The following FAM3B variants were observed in gnomAD, a reference collection of about 807,000 sequenced individuals.
FAM3B encodes FAM3 metabolism regulating signaling molecule B, also known as protein FAM3B.
In FAM3B, 29 loss-of-function variants were observed where a neutral mutation model predicts 28.4. The ratio of observed to expected loss-of-function variants is 1.02; its 90% CI spans 0.76 to 1.39. The LOEUF (loss-of-function observed/expected upper bound fraction) is 1.39, where lower values mean the gene tolerates loss of function less well. Among genes scored for constraint, FAM3B ranks in the 40% most tolerant of loss-of-function variants. FAM3B has a pLI of 0.00. For synonymous variants in FAM3B, 91 were observed against 103.0 expected, an observed-to-expected ratio of 0.88 and a Z score of 0.71; for missense variants, 266 against 293.9, an observed-to-expected ratio of 0.91 and a Z score of 0.69.
At chr21:41,312,420 T>G (rs1356541837), upstream of FAM3B, among the ~76,000 whole-genome samples, 1 of 152,262 alleles carries the variant, frequency 6.6e-6, no homozygotes, top group East Asian at 1.9e-4. Context: ...GAACAAAAAG[T>G]GCAGCTGTTG....
At chr21:41,341,857 C>CA (rs1156341683) in intron 3 of FAM3B, among the ~76,000 whole-genome samples, 4 of 152,218 alleles carry the variant, frequency 2.6e-5, no homozygotes, top group African/African-American at 9.7e-5. Context: ...CAACTAGCCT[C>CA]AAATTCAGTG....
chr21:41,345,869 A>G lies in FAM3B; in HGVS notation c.397+133A>G, dbSNP rs560388720. The stretch of plus-strand genomic sequence containing the variant: ...CGCCAGCAGCTCTCCTGAGTAATCT[A>G]GAGTGGTCTTATGTAGATCCTCTTA... On this transcript the variant is annotated intron_variant, in intron 5 of 7. Transcript: ENST00000357985. The G allele has an allele frequency of 3.0e-5, 20 of 669,322 alleles. No individual in the cohort carries two copies. In the African/African-American group the frequency reaches 3.6e-4, roughly 12 times the overall value. 41.5% of individuals were successfully genotyped at this position (669,322 alleles called of 1,614,324 possible). A position where few individuals can be genotyped will look rare whatever the true frequency, so the allele number is the denominator to read the frequency against.
intron 1 of FAM3B, among the ~76,000 whole-genome samples, chr21:41,321,448 C>G (rs1171681502): frequency 6.6e-6 from 1 of 152,182 alleles, no homozygotes; most frequent in African/African-American, 2.4e-5. Flanking sequence ...GGCCTGCAAG[C>G]CTGCACCTGT....
At position 41,348,503 on chromosome 21, in the gene FAM3B, G is replaced by A; in HGVS notation, c.486-89G>A. The stretch of plus-strand genomic sequence containing the variant: ...AATGTGTTTAGAAACCTCCATCCAA[G>A]GATGCACAGCGTAACACATCCAGAG... On this transcript the variant is annotated intron_variant, in intron 6 of 7. Transcript: ENST00000357985. The A allele has an allele frequency of 4.0e-6, 6 of 1,499,844 alleles. No homozygotes were observed. The South Asian group carries it at 7.1e-5, about 18-fold the overall frequency. 92.9% of individuals were successfully genotyped at this position (1,499,844 alleles called of 1,614,324 possible).
rs1264570278 is a variant in FAM3B at position 41,311,247 on chromosome 21, AAAAAATATATATATATATATAT to A, written n.99+6939_99+6960del. ...AAACCCTGTCTCTACAAAAAAAAAAAAAAAATATATATATATATATATATATATATATATATATATATATATA... is the reference window on the plus strand; with the variant it reads ...AAACCCTGTCTCTACAAAAAAAAAAAATATATATATATATATATATATATA... On this transcript the variant is annotated intron_variant and non_coding_transcript_variant, in intron 1 of 9. Coordinates refer to the FAM3B transcript ENST00000479810. Among the ~76,000 whole-genome samples, 4 of 63,448 alleles carry A rather than the reference AAAAAATATATATATATATATAT, an allele frequency of 6.3e-5. No homozygotes were observed. The Admixed American group carries it at 6.6e-4, about 10-fold the overall frequency. 41.6% of individuals were successfully genotyped at this position (63,448 alleles called of 152,430 possible).
At chr21:41,331,995 A>T (rs549276750) in intron 2 of FAM3B, among the ~76,000 whole-genome samples, 2 of 152,328 alleles carry the variant, frequency 1.3e-5, no homozygotes, top group East Asian at 3.9e-4. Context: ...CCCTGCCCAA[A>T]TCTCATTTGG....
chr21:41,346,959 G>A, intron 5 of FAM3B, 54 bp from the exon 6 acceptor site: 1 of 1,528,310 alleles, frequency 6.5e-7, no homozygotes, highest in Non-Finnish European at 9.1e-7. Context: ...AGCACCCAAG[G>A]CAGAGCCTCA....
Position 41,347,140 on chromosome 21 carries a change from A to C in FAM3B, c.485+40A>C, listed in dbSNP as rs199567406. On this transcript the variant is annotated intron_variant, in intron 6 of 7. Coordinates refer to ENST00000357985, the MANE Select transcript of FAM3B (RefSeq NM_058186.4). Reference sequence around the variant, plus strand: ...GTCTGTCACAGCGGTGGGCAAGAGAAGCCAGCTGGGGCAGAGGCTGCCAGG... The same window carrying C: ...GTCTGTCACAGCGGTGGGCAAGAGACGCCAGCTGGGGCAGAGGCTGCCAGG... 2.2e-4 allele frequency: 356 copies of C among 1,586,022 alleles called. 1 individual carries two copies. The African/African-American group carries it at 4.4e-3, about 19-fold the overall frequency.
intron 2 of FAM3B, among the ~76,000 whole-genome samples, chr21:41,332,780 C>T (rs571188481): frequency 2.8e-4 from 43 of 152,224 alleles, no homozygotes; most frequent in African/African-American, 8.4e-4. Context: ...GTGGTATCAG[C>T]GGTGATATCT....
intron 7 of FAM3B, among the ~76,000 whole-genome samples, chr21:41,350,981 A>T (rs2089114199): frequency 6.6e-6 from 1 of 151,430 alleles, no homozygotes; most frequent in African/African-American, 2.4e-5. Context: ...CCACACAGGG[A>T]CCCCCCCATG....
chr21:41,305,707 A>C (rs1241363018), intron 1 of FAM3B, among the ~76,000 whole-genome samples: 1 of 152,240 alleles, frequency 6.6e-6, no homozygotes, highest in Admixed American at 6.5e-5. Context: ...TAATTTTAAA[A>C]TACTTTATTG....
chr21:41,330,896 G>C (rs1162735168), intron 2 of FAM3B, among the ~76,000 whole-genome samples: 1 of 152,226 alleles, frequency 6.6e-6, no homozygotes, highest in African/African-American at 2.4e-5. Context: ...TAATGCTGCA[G>C]TGAACCTGGG....
intron 7 of FAM3B, among the ~76,000 whole-genome samples, chr21:41,356,639 C>A (rs74771403): frequency 0.011 from 1,643 of 152,290 alleles, 80 homozygotes; most frequent in Admixed American, 0.078. Context: ...TAGAACATGT[C>A]CATCATTGCA....
chr21:41,322,511 G>C (rs909955602), intron 1 of FAM3B: 1 of 700,770 alleles, frequency 1.4e-6, no homozygotes, highest in Admixed American at 2.0e-5. Flanking sequence ...ACCCCTGAAG[G>C]TTTCAATGTA....
chr21:41,357,173 C>T lies in FAM3B; in HGVS notation c.684C>T (p.Gly228=), dbSNP rs1272741530. The change falls in exon 8 of 8, where the codon GGC becomes GGT. Residue 228 remains glycine (G), a synonymous_variant. Coordinates refer to ENST00000357985, the MANE Select transcript of FAM3B (RefSeq NM_058186.4). ...GGCCTGCAGAGATCCAGATAGAAGG[C>T]TGCATACCCAAAGAACGAAGCTGAC... ...SGWPAEIQIE[G]CIPKERS 6.2e-7 allele frequency: 1 copy of T among 1,613,268 alleles called. No individual in the cohort carries two copies. Among genetic ancestry groups the T allele is most frequent in the Non-Finnish European group, 8.5e-7 (1 of 1,179,510 alleles).
At chr21:41,321,430 G>A (rs999967832) in intron 1 of FAM3B, among the ~76,000 whole-genome samples, 2 of 152,178 alleles carry the variant, frequency 1.3e-5, no homozygotes, top group Non-Finnish European at 2.9e-5. Flanking sequence ...GCGCAGCTGC[G>A]GGAGAGGGGC....
At chr21:41,334,404 C>T (rs928267886) in intron 2 of FAM3B, among the ~76,000 whole-genome samples, 2 of 152,194 alleles carry the variant, frequency 1.3e-5, no homozygotes, top group African/African-American at 4.8e-5. Flanking sequence ...CCCAGGGCCC[C>T]ACTAACCTGT....
chr21:41,321,739 G>T (rs1183574812), intron 1 of FAM3B, among the ~76,000 whole-genome samples: 2 of 152,204 alleles, frequency 1.3e-5, no homozygotes, highest in Non-Finnish European at 2.9e-5. Context: ...AATAGCACAC[G>T]CTGCCTTGGC....
intron 7 of FAM3B, among the ~76,000 whole-genome samples, chr21:41,354,219 GAC>G (rs1302077449): frequency 5.5e-5 from 8 of 145,548 alleles, no homozygotes; most frequent in African/African-American, 2.3e-4. Context: ...CTTTGTTGAA[GAC>G]ATGTGGCAAT....
Sources: gnomAD v4.1 joint callset for allele counts (sites outside exome capture counted in the v4.1 genomes callset) on GRCh38, gnomAD v4.1.1 for gene constraint, MANE v1.5 for transcripts, NCBI Gene and HGNC (gene_info 2026-07-23, HGNC 2026-07-21) for gene names.